Variants in TNN observed in about 807,000 individuals in gnomAD.
TNN encodes tenascin N.
TNN carries 122 observed loss-of-function variants against 134.4 expected under a neutral mutation model. That is an observed-to-expected ratio of 0.91 (90% confidence interval 0.78 to 1.06). The LOEUF (loss-of-function observed/expected upper bound fraction) is 1.06. Ranked by LOEUF, TNN falls within the 50% of genes least tolerant of loss-of-function variation. TNN has a pLI of 0.00. For synonymous variants in TNN, 710 were observed against 670.3 expected, an observed-to-expected ratio of 1.06 and a Z score of -0.91; for missense variants, 1,739 against 1,699.4, an observed-to-expected ratio of 1.02 and a Z score of -0.41.
rs577021014 is a variant in TNN at position 175,080,171 on chromosome 1, C to T, written c.793C>T (p.Pro265Ser). 2 of 1,613,730 alleles carry T rather than the reference C, an allele frequency of 1.2e-6. No individual in the cohort carries two copies. Among genetic ancestry groups the T allele is most frequent in the Non-Finnish European group, 1.7e-6 (2 of 1,179,982 alleles). ...TCCTGTTCTGCCTGCAGTGGTCACCCCACAGGGCCTGCAGCTGCTCAAGAA... is the reference window on the plus strand; with the variant it reads ...TCCTGTTCTGCCTGCAGTGGTCACCTCACAGGGCCTGCAGCTGCTCAAGAA... ...TGLDCAQVVT[P>S]QGLQLLKNTE... The change falls in exon 4 of 19, where the codon CCA (proline) becomes TCA (serine). Residue 265 changes from proline to serine, a missense_variant. Physicochemically the swap from Pro to Ser is moderately conservative, Grantham distance 74. Coordinates refer to ENST00000239462, the MANE Select transcript of TNN (RefSeq NM_022093.2).
intron 17 of TNN, among the ~76,000 whole-genome samples, chr1:175,140,749 G>A (rs1377998849): frequency 3.3e-5 from 5 of 152,184 alleles, no homozygotes; most frequent in Non-Finnish European, 7.3e-5. Context: ...TTTAGGCAGC[G>A]ATCTAGTCTT....
chr1:175,113,215 T>C (rs538356837), intron 9 of TNN, among the ~76,000 whole-genome samples: 1 of 152,360 alleles, frequency 6.6e-6, no homozygotes, highest in South Asian at 2.1e-4. Flanking sequence ...TAGGACTCCC[T>C]TGAGCATTTC....
chr1:175,080,095 G>T, intron 3 of TNN, 68 bp from the exon 4 acceptor site: 2 of 1,584,144 alleles, frequency 1.3e-6, no homozygotes, highest in Non-Finnish European at 1.7e-6. Flanking sequence ...AGTGCTCAGG[G>T]AATACTCACT....
At chr1:175,098,280 T>A (rs1284439411) in intron 8 of TNN, 52 bp from the exon 9 acceptor site, 2 of 1,612,478 alleles carry the variant, frequency 1.2e-6, no homozygotes, top group Middle Eastern at 1.6e-4. Flanking sequence ...GGGGTAAGGA[T>A]ATGTCTTCCA....
Position 175,144,491 on chromosome 1 carries a change from T to C in TNN, c.3700T>C (p.Tyr1234His), listed in dbSNP as rs560473308. The C allele has an allele frequency of 1.2e-6, 2 of 1,614,152 alleles. No individual in the cohort carries two copies. The highest frequency in any genetic ancestry group is 1.1e-5 in the South Asian group (1 of 91,072). Reference sequence around the variant, plus strand: ...CCTGACACATCATGGTGGCTGGTGGTATAAGAACTGCCACTTGGCCAACCC... The same window carrying C: ...CCTGACACATCATGGTGGCTGGTGGCATAAGAACTGCCACTTGGCCAACCC... ...CALTHHGGWW[Y>H]KNCHLANPNG... The change falls in exon 18 of 19, where the codon TAT becomes CAT. Residue 1234 changes from tyrosine to histidine, a missense_variant. Coordinates refer to ENST00000239462, the MANE Select transcript of TNN (RefSeq NM_022093.2).
intron 16 of TNN, 133 bp downstream of exon 16, chr1:175,136,074 G>A (rs1248508088): frequency 7.6e-6 from 5 of 660,062 alleles, no homozygotes; most frequent in African/African-American, 5.4e-5. Context: ...GGACTGTGCC[G>A]AGCAGGGTGT....
At chr1:175,120,256 A>G (rs1675316168) in intron 11 of TNN, among the ~76,000 whole-genome samples, 2 of 152,224 alleles carry the variant, frequency 1.3e-5, no homozygotes, top group Non-Finnish European at 2.9e-5. Context: ...TAGAGTGAAG[A>G]TAGACAATAA....
intron 1 of TNN, among the ~76,000 whole-genome samples, chr1:175,076,555 G>C (rs1484558729): frequency 1.3e-5 from 2 of 152,248 alleles, no homozygotes; most frequent in African/African-American, 4.8e-5. Flanking sequence ...GGGTAAGGCA[G>C]GGGGACAGGA....
chr1:175,146,332 C>G (rs935688961), intron 18 of TNN, among the ~76,000 whole-genome samples: 1 of 152,198 alleles, frequency 6.6e-6, no homozygotes, highest in Admixed American at 6.5e-5. Flanking sequence ...ATTTACCTCA[C>G]AAATTAAAAT....
chr1:175,137,045 T>G, intron 17 of TNN, 57 bp downstream of exon 17: 2 of 1,569,418 alleles, frequency 1.3e-6, no homozygotes, highest in Non-Finnish European at 1.7e-6. Context: ...GTGTAAGGAT[T>G]GGTTTGCCGT....
intron 6 of TNN, among the ~76,000 whole-genome samples, chr1:175,087,632 T>C (rs1303103969): frequency 6.6e-6 from 1 of 152,196 alleles, no homozygotes; most frequent in African/African-American, 2.4e-5. Flanking sequence ...CCTCTGGAAG[T>C]GATTTTTCCC....
Position 175,126,982 on chromosome 1 carries a change from C to T in TNN, c.2942C>T (p.Pro981Leu). Residue 981 changes from proline to leucine, a missense_variant, in exon 13 of 19, where the codon CCA becomes CTA. Pro to Leu is a moderately conservative substitution (Grantham distance 98, BLOSUM62 -3). Coordinates refer to ENST00000239462, the MANE Select transcript of TNN (RefSeq NM_022093.2). ...TELDPPRNLR[P>L]SAVTQSGGIL... Reference sequence around the variant, plus strand: ...CTCGACCCTCCCAGAAACCTTCGTCCATCTGCTGTAACGCAGTCTGGTGGC... The same window carrying T: ...CTCGACCCTCCCAGAAACCTTCGTCTATCTGCTGTAACGCAGTCTGGTGGC... 1 of 1,613,910 alleles carries T rather than the reference C, an allele frequency of 6.2e-7. No homozygotes were observed. Among genetic ancestry groups the T allele is most frequent in the Non-Finnish European group, 8.5e-7 (1 of 1,179,928 alleles).
At chr1:175,134,666 T>C (rs1675754146) in intron 15 of TNN, among the ~76,000 whole-genome samples, 1 of 152,192 alleles carries the variant, frequency 6.6e-6, no homozygotes, top group Non-Finnish European at 1.5e-5. Context: ...AAGCCCATAC[T>C]ATAAGAAACT....
At chr1:175,068,830 C>T (rs1673855631) in intron 1 of TNN, among the ~76,000 whole-genome samples, 1 of 152,186 alleles carries the variant, frequency 6.6e-6, no homozygotes, top group Non-Finnish European at 1.5e-5. Flanking sequence ...ATTGCTTGAA[C>T]CTGGGAGGTG....
At chr1:175,076,027 C>T (rs963417660) in intron 1 of TNN, among the ~76,000 whole-genome samples, 9 of 152,198 alleles carry the variant, frequency 5.9e-5, no homozygotes, top group Non-Finnish European at 1.2e-4. Flanking sequence ...TAGATAACTG[C>T]TGCTATGCAA....
chr1:175,094,243 T>C lies in TNN; in HGVS notation c.1578T>C (p.Asn526=). The part of the protein sequence containing the change: ...GNQGSKKADT[N]ALTEIDSPAN... The stretch of plus-strand genomic sequence containing the variant: ...AGGGGAGCAAGAAAGCTGACACCAA[T>C]GCCCTCACAGGTAACAGAAGGACGG... Residue 526 remains asparagine, a synonymous_variant, in exon 7 of 19, where the codon AAT becomes AAC. Transcript: ENST00000239462. 6.2e-7 allele frequency: 1 copy of C among 1,602,286 alleles called. No individual in the cohort carries two copies. Among genetic ancestry groups the C allele is most frequent in the East Asian group, 2.2e-5 (1 of 44,520 alleles).
chr1:175,142,157 A>T (rs1318574025), intron 17 of TNN, among the ~76,000 whole-genome samples: 1 of 152,216 alleles, frequency 6.6e-6, no homozygotes. Flanking sequence ...GACTAGCATG[A>T]CAATATACCT....
intron 1 of TNN, among the ~76,000 whole-genome samples, chr1:175,072,567 G>A (rs972953668): frequency 6.6e-6 from 1 of 152,140 alleles, no homozygotes; most frequent in Non-Finnish European, 1.5e-5. Flanking sequence ...TGAAAGAGTC[G>A]ATGAAGTCAT....
chr1:175,126,949 G>T lies in TNN; in HGVS notation c.2915-6G>T. 1 of 1,606,428 alleles carries T rather than the reference G, an allele frequency of 6.2e-7. No individual in the cohort carries two copies. Among genetic ancestry groups the T allele is most frequent in the Non-Finnish European group, 8.5e-7 (1 of 1,177,770 alleles). On this transcript the variant is annotated splice_region_variant and splice_polypyrimidine_tract_variant and intron_variant, in intron 12 of 18. Transcript: ENST00000239462. ...TAATAACAATTACCTGACTTTCTACGTACAGAACTCGACCCTCCCAGAAAC... is the reference window on the plus strand; with the variant it reads ...TAATAACAATTACCTGACTTTCTACTTACAGAACTCGACCCTCCCAGAAAC...
Sources: allele counts gnomAD v4.1 joint callset (sites outside exome capture counted in the v4.1 genomes callset), GRCh38; gene constraint gnomAD v4.1.1; transcripts MANE v1.5; gene names NCBI Gene and HGNC (gene_info 2026-07-23, HGNC 2026-07-21).